SLC25A29: variants seen among roughly 807,000 people sequenced by gnomAD.
SLC25A29 encodes the protein solute carrier family 25 member 29.
A neutral mutation model predicts 10.0 loss-of-function variants in SLC25A29; 13 were observed. That is an observed-to-expected ratio of 1.30 (90% CI 0.85 to 2.07). SLC25A29 has a LOEUF of 2.07. SLC25A29 is among the 30% of genes most tolerant of loss of function. The probability of loss-of-function intolerance (pLI) is 0.00; values close to 1 mark genes in which losing one functional copy is unlikely to be tolerated. For missense variants in SLC25A29, 475 were observed against 447.6 expected, an observed-to-expected ratio of 1.06 and a Z score of -0.55; for synonymous variants, 244 against 221.1, an observed-to-expected ratio of 1.10 and a Z score of -0.92.
chr14:100,301,473 CCTTT>C (rs1467383352), intron 1 of SLC25A29, among the ~76,000 whole-genome samples: 2 of 144,810 alleles, frequency 1.4e-5, no homozygotes, highest in Non-Finnish European at 3.0e-5. Context: ...CTATTTATTC[CCTTT>C]CTAATTGTTA....
At position 100,300,700 on chromosome 14, in the gene SLC25A29, C is replaced by G. The variant is rs192407543; in HGVS notation, c.35-1815G>C. On this transcript the variant is annotated intron_variant, in intron 1 of 3. Transcript: ENST00000359232. Reference sequence around the variant, plus strand: ...ATGTGTAGTTTTGAACCTTTTCTTACTATCTTCTTTTAGATGTTTGTTGTA... The same window carrying G: ...ATGTGTAGTTTTGAACCTTTTCTTAGTATCTTCTTTTAGATGTTTGTTGTA... Among the ~76,000 whole-genome samples, 34 of 152,052 alleles carry G rather than the reference C, an allele frequency of 2.2e-4. 1 individual carries two copies. Among genetic ancestry groups the G allele is most frequent in the Admixed American group, 2.1e-3 (32 of 15,284 alleles).
At position 100,306,431 on chromosome 14, in the gene SLC25A29, G is replaced by A. The variant is rs1210120645; in HGVS notation, c.-199C>T. ...CTAGACCCGCGCTGGTCCCTCGGCG[G>A]CAGCTGACTCGCTGGATCCCCTCCG... On this transcript the variant is annotated 5_prime_UTR_variant, in exon 1 of 4. Transcript: ENST00000359232. The A allele has an allele frequency of 1.3e-5, 5 of 391,974 alleles. No homozygotes were observed. Among genetic ancestry groups the A allele is most frequent in the African/African-American group, 8.4e-5 (4 of 47,668 alleles). The allele number at this position is 391,974 out of a possible 1,614,324, so 24.3% of individuals were successfully genotyped here.
chr14:100,297,032 A>G (rs72711990), intron 2 of SLC25A29, among the ~76,000 whole-genome samples: 46,865 of 151,980 alleles, frequency 0.31, 7,595 homozygotes, highest in East Asian at 0.55. Context: ...ACTTGAACCC[A>G]GGAGGAAGAA....
At chr14:100,289,055 G>A (rs188516934), downstream of SLC25A29, among the ~76,000 whole-genome samples, 1 of 152,224 alleles carries the variant, frequency 6.6e-6, no homozygotes. Context: ...TGGTGGCAGC[G>A]ATCGGAGCGA....
rs760597154 is a variant in SLC25A29 at position 100,293,400 on chromosome 14, G to GCGGC, written c.79-24_79-23insGCCG. On this transcript the variant is annotated intron_variant, in intron 2 of 3. Coordinates refer to ENST00000359232, the MANE Select transcript of SLC25A29 (RefSeq NM_001039355.3). ...TACCTGGAAGGAGAGGGTCCAGTGA[G>GCGGC]AGGCAGGCAGGCAGGACCAGAGCAC... The GCGGC allele has an allele frequency of 3.1e-6, 5 of 1,607,976 alleles. No individual in the cohort carries two copies. In the Admixed American group the frequency reaches 5.0e-5, roughly 16 times the overall value.
At chr14:100,285,108 C>G in the SLC25A29 span, among the ~76,000 whole-genome samples, 1 of 151,942 alleles carries the variant, frequency 6.6e-6, no homozygotes, top group Non-Finnish European at 1.5e-5. Flanking sequence ...TCTGAGCACG[C>G]CCCTCAGGTG....
downstream of SLC25A29, among the ~76,000 whole-genome samples, chr14:100,286,962 A>G (rs1324028788): frequency 2.0e-5 from 3 of 152,216 alleles, no homozygotes; most frequent in African/African-American, 7.2e-5. Flanking sequence ...GGTACCCTGC[A>G]CTGCAAAATG....
At chr14:100,299,450 C>G in intron 1 of SLC25A29, 1 of 989,248 alleles carries the variant, frequency 1.0e-6, no homozygotes, top group Non-Finnish European at 1.2e-6. Flanking sequence ...TTGGGAGTGA[C>G]GACCCCAGGT....
intron 1 of SLC25A29, among the ~76,000 whole-genome samples, chr14:100,300,485 C>T (rs951924735): frequency 6.6e-6 from 1 of 152,136 alleles, no homozygotes; most frequent in African/African-American, 2.4e-5. Context: ...TGGGCTCAAT[C>T]GACCCTCCTG....
chr14:100,291,633 T>A lies in SLC25A29; in HGVS notation c.*650A>T, dbSNP rs1891700738. The A allele has an allele frequency of 1.3e-5, 2 of 155,122 alleles. No homozygotes were observed. Among genetic ancestry groups the A allele is most frequent in the African/African-American group, 4.8e-5 (2 of 41,470 alleles). The allele number at this position is 155,122 out of a possible 1,614,324, so 9.6% of individuals were successfully genotyped here. ...TGCTCCCCACCCTAGTCCCGCAGGC[T>A]GATATGGTGCCTCCAGCAGACTCCA... is the stretch of plus-strand genomic sequence containing the variant. On this transcript the variant is annotated 3_prime_UTR_variant, in exon 4 of 4. Transcript: ENST00000359232.
chr14:100,299,671 G>A, intron 1 of SLC25A29: 6 of 960,888 alleles, frequency 6.2e-6, no homozygotes, highest in Non-Finnish European at 7.4e-6. Context: ...AACCATCTCT[G>A]AGTCTTGCCA....
chr14:100,282,578 T>C, the SLC25A29 span: 1 of 152,238 alleles, frequency 6.6e-6, no homozygotes, highest in Non-Finnish European at 1.5e-5. Flanking sequence ...CTCATGTACA[T>C]CTTTTTCTTA....
chr14:100,287,266 C>T (rs746119380), downstream of SLC25A29, among the ~76,000 whole-genome samples: 1 of 152,256 alleles, frequency 6.6e-6, no homozygotes, highest in Non-Finnish European at 1.5e-5. Flanking sequence ...AGTGTGGGCT[C>T]TGAGATTGGA....
the SLC25A29 span, chr14:100,281,229 T>C: frequency 1.3e-5 from 2 of 152,134 alleles, no homozygotes; most frequent in East Asian, 3.9e-4. Flanking sequence ...AATTATTTAA[T>C]TATTCTTTAA....
At chr14:100,293,493 A>C in intron 2 of SLC25A29, 116 bp from the exon 3 acceptor site, 1 of 792,144 alleles carries the variant, frequency 1.3e-6, no homozygotes, top group Non-Finnish European at 2.0e-6. Flanking sequence ...ACTCAGGCAC[A>C]GTCTAAGACT....
chr14:100,306,134 C>T, intron 1 of SLC25A29, 65 bp downstream of exon 1: 2 of 1,245,410 alleles, frequency 1.6e-6, no homozygotes, highest in South Asian at 1.6e-5. Flanking sequence ...CCAGGGCGTG[C>T]TGGTGGGCCG....
chr14:100,292,756 G>A lies in SLC25A29; in HGVS notation c.439C>T (p.Leu147=). The part of the protein sequence containing the change: ...CLAQIYGHEG[L]RGVNRGMVST... ...ACCATGCCCCGGTTGACGCCACGCA[G>A]ACCCTCGTGCCCGTAGATCTGCGCG... Residue 147 remains leucine, a synonymous_variant, in exon 4 of 4, where the codon CTG becomes TTG. Transcript: ENST00000359232. 1 of 1,601,638 alleles carries A rather than the reference G, an allele frequency of 6.2e-7. No individual in the cohort carries two copies. Among genetic ancestry groups the A allele is most frequent in the East Asian group, 2.3e-5 (1 of 44,188 alleles).
At chr14:100,297,062 G>A (rs144638493) in intron 2 of SLC25A29, among the ~76,000 whole-genome samples, 28 of 152,254 alleles carry the variant, frequency 1.8e-4, no homozygotes, top group Middle Eastern at 3.4e-3. Flanking sequence ...AGCCAAGGTC[G>A]CGCCACTGCA....
In SLC25A29 at chr14:100,292,127, G is replaced by A. The variant is rs762044376; in HGVS notation, c.*156C>T. 1.0e-6 allele frequency: 1 copy of A among 978,220 alleles called. No homozygotes were observed. Among genetic ancestry groups the A allele is most frequent in the South Asian group, 1.4e-5 (1 of 71,614 alleles). The allele number at this position is 978,220 out of a possible 1,614,324, so 60.6% of individuals were successfully genotyped here. On this transcript the variant is annotated 3_prime_UTR_variant, in exon 4 of 4. Coordinates refer to ENST00000359232, the MANE Select transcript of SLC25A29 (RefSeq NM_001039355.3). ...AACACTGAGGCAAGTGCAGTTCTCG[G>A]CCAAAACTACCCAGCTGATCAGCAA... is the stretch of plus-strand genomic sequence containing the variant.
Sources: allele counts gnomAD v4.1 joint callset (sites outside exome capture counted in the v4.1 genomes callset), GRCh38; gene constraint gnomAD v4.1.1; transcripts MANE v1.5; gene names NCBI Gene and HGNC (gene_info 2026-07-23, HGNC 2026-07-21).